The following LRP1B variants were observed in gnomAD, a reference collection of about 807,000 sequenced individuals.
LRP1B encodes LDL receptor related protein 1B.
A neutral mutation model predicts 556.6 loss-of-function variants in LRP1B; 217 were observed. That is an observed-to-expected ratio of 0.39 (90% CI 0.35 to 0.44). LRP1B has a LOEUF of 0.44. LRP1B is among the 20% of genes least tolerant of loss of function. The pLI, the probability that LRP1B is intolerant of heterozygous loss-of-function variation, is 1.00. For missense variants in LRP1B, 5,053 were observed against 5,620.8 expected (o/e 0.90, Z 3.23); for synonymous variants, 2,047 against 1,865.8 (o/e 1.10, Z -2.50).
chr2:141,692,357 C>A (rs1175823158), intron 2 of LRP1B, among the ~76,000 whole-genome samples: 6 of 151,984 alleles, frequency 3.9e-5, no homozygotes, highest in Non-Finnish European at 8.8e-5. Flanking sequence ...CGCTAAACTA[C>A]TGTGAATTCC....
intron 11 of LRP1B, among the ~76,000 whole-genome samples, chr2:141,029,586 C>G (rs1296235236): frequency 6.6e-6 from 1 of 152,118 alleles, no homozygotes; most frequent in Non-Finnish European, 1.5e-5. Context: ...TCAGAAAGTG[C>G]TGATCTCTAG....
intron 27 of LRP1B, among the ~76,000 whole-genome samples, chr2:140,865,895 A>G (rs145353028): frequency 0.013 from 1,993 of 152,192 alleles, 22 homozygotes; most frequent in Middle Eastern, 0.038. Context: ...TCTTTCCTAT[A>G]TATGCATAAA....
chr2:141,104,126 A>T (rs958035620), intron 7 of LRP1B, among the ~76,000 whole-genome samples: 1 of 152,082 alleles, frequency 6.6e-6, no homozygotes, highest in Non-Finnish European at 1.5e-5. Flanking sequence ...CTTAAAAAAT[A>T]ACATAGCATG....
At chr2:140,389,142 T>G (rs1683898519) in intron 66 of LRP1B, among the ~76,000 whole-genome samples, 1 of 144,096 alleles carries the variant, frequency 6.9e-6, no homozygotes, top group Non-Finnish European at 1.5e-5. Context: ...GGAACTTGCT[T>G]TCATTTTAAG....
chr2:141,634,695 A>T (rs1417747416), intron 2 of LRP1B, among the ~76,000 whole-genome samples: 4 of 151,984 alleles, frequency 2.6e-5, no homozygotes, highest in Non-Finnish European at 5.9e-5. Flanking sequence ...AAAGAGGTAT[A>T]TAGCTAATAT....
intron 1 of LRP1B, among the ~76,000 whole-genome samples, chr2:141,814,954 G>C (rs895246805): frequency 2.0e-5 from 3 of 152,150 alleles, no homozygotes; most frequent in Non-Finnish European, 4.4e-5. Context: ...GATACAGGAT[G>C]AGGATGCAAG....
intron 3 of LRP1B, among the ~76,000 whole-genome samples, chr2:141,403,340 A>T (rs58298225): frequency 0.55 from 80,048 of 145,588 alleles, 22,579 homozygotes; most frequent in Non-Finnish European, 0.64. Context: ...CAAAACTATT[A>T]AAAAAAACCC....
rs1180567352 is a variant in LRP1B at position 141,480,426 on chromosome 2, C to T, written c.313G>A (p.Asp105Asn). Reference protein sequence around the residue: ...QLCNGVLDCPDGYDEGVHCQE... With the variant: ...QLCNGVLDCPNGYDEGVHCQE... Reference sequence around the variant, plus strand: ...CAATGTACTCCTTCGTCATACCCATCTGGGCAGTCCAAGACACCATTGCAC... The same window carrying T: ...CAATGTACTCCTTCGTCATACCCATTTGGGCAGTCCAAGACACCATTGCAC... Residue 105 changes from aspartate to asparagine, a missense_variant, in exon 3 of 91, where the codon GAT (aspartate) becomes AAT (asparagine). By Grantham distance (23) the Asp-to-Asn change is conservative. This residue lies in a region of LRP1B where 3,619 missense variants were observed against 3,931.9 expected (regional missense o/e 0.92). Transcript: ENST00000389484. 1.2e-6 allele frequency: 2 copies of T among 1,613,948 alleles called. No homozygotes were observed. The highest frequency in any genetic ancestry group is 2.2e-5 in the South Asian group (2 of 91,084).
At chr2:141,865,210 C>T (rs1014624990) in intron 1 of LRP1B, among the ~76,000 whole-genome samples, 1 of 152,076 alleles carries the variant, frequency 6.6e-6, no homozygotes, top group Non-Finnish European at 1.5e-5. Flanking sequence ...TCCTCCTTCC[C>T]CACTCTACTT....
At chr2:141,357,515 C>A (rs1688670478) in intron 3 of LRP1B, among the ~76,000 whole-genome samples, 1 of 152,114 alleles carries the variant, frequency 6.6e-6, no homozygotes, top group Non-Finnish European at 1.5e-5. Context: ...ACTGAATAAA[C>A]CCTGAAAACG....
intron 84 of LRP1B, among the ~76,000 whole-genome samples, chr2:140,284,346 C>T (rs1683038634): frequency 8.5e-6 from 1 of 118,106 alleles, no homozygotes; most frequent in African/African-American, 3.2e-5. Context: ...AGTAATGACT[C>T]AATTTTCGAA....
At position 140,501,742 on chromosome 2, in the gene LRP1B, C is replaced by T. The variant is rs139867739; in HGVS notation, c.8795G>A (p.Ser2932Asn). The change falls in exon 55 of 91, where the codon AGT becomes AAT. Residue 2932 changes from serine to asparagine, a missense_variant. Ser to Asn is a conservative substitution (Grantham distance 46). Transcript: ENST00000389484. The part of the protein sequence containing the change: ...ERNCHINECL[S>N]KKVSGCSQDC... Reference sequence around the variant, plus strand: ...TTGAGAACATCCACTGACTTTCTTACTCAAACATTCATTTATATGGCAGTT... The same window carrying T: ...TTGAGAACATCCACTGACTTTCTTATTCAAACATTCATTTATATGGCAGTT... 28 of 1,612,668 alleles carry T rather than the reference C, an allele frequency of 1.7e-5. No homozygotes were observed. The highest frequency in any genetic ancestry group is 3.3e-5 in the Admixed American group (2 of 59,896).
chr2:141,965,335 T>A, intron 1 of LRP1B, among the ~76,000 whole-genome samples: 1 of 28,044 alleles, frequency 3.6e-5, no homozygotes. Flanking sequence ...AGCAAAGACT[T>A]GGAACCAACC....
At chr2:141,030,571 T>C (rs1698339660) in intron 11 of LRP1B, among the ~76,000 whole-genome samples, 1 of 152,072 alleles carries the variant, frequency 6.6e-6, no homozygotes, top group Non-Finnish European at 1.5e-5. Flanking sequence ...GATAAAAGTG[T>C]CAATGCTGGG....
Position 141,819,341 on chromosome 2 carries a change from G to C in LRP1B, c.83-8940C>G, listed in dbSNP as rs1008231069. 3.9e-5 allele frequency among the ~76,000 whole-genome samples: 6 copies of C among 152,078 alleles called. No individual in the cohort carries two copies. In the South Asian group the frequency reaches 6.2e-4, roughly 16 times the overall value. On this transcript the variant is annotated intron_variant, in intron 1 of 90. Coordinates refer to ENST00000389484, the MANE Select transcript of LRP1B (RefSeq NM_018557.3). ...AACCGTCTACTCAAAACACCGAAAAGCTTCTATTTTACTTTGCTGTATGAA... is the reference window on the plus strand; with the variant it reads ...AACCGTCTACTCAAAACACCGAAAACCTTCTATTTTACTTTGCTGTATGAA...
At chr2:141,060,536 C>T (rs1000395466) in intron 8 of LRP1B, among the ~76,000 whole-genome samples, 3 of 151,766 alleles carry the variant, frequency 2.0e-5, no homozygotes, top group Non-Finnish European at 4.4e-5. Flanking sequence ...CCATTAGTCT[C>T]GTGCATGTTT....
intron 2 of LRP1B, among the ~76,000 whole-genome samples, chr2:141,661,393 A>G (rs1196326251): frequency 6.6e-6 from 1 of 152,222 alleles, no homozygotes; most frequent in Non-Finnish European, 1.5e-5. Flanking sequence ...GAGCTAAAGG[A>G]GCATGCTCTA....
At chr2:140,308,724 G>A (rs1299333512) in intron 83 of LRP1B, among the ~76,000 whole-genome samples, 2 of 151,914 alleles carry the variant, frequency 1.3e-5, no homozygotes, top group East Asian at 3.9e-4. Context: ...AACATTGAGT[G>A]TAAGGAATAG....
At chr2:141,943,899 T>C (rs1178848460) in intron 1 of LRP1B, among the ~76,000 whole-genome samples, 1 of 151,854 alleles carries the variant, frequency 6.6e-6, no homozygotes, top group African/African-American at 2.4e-5. Flanking sequence ...ATTGGGCAAA[T>C]AGGTAAAAGG....
Sources: gnomAD v4.1 joint callset for allele counts (sites outside exome capture counted in the v4.1 genomes callset) on GRCh38, gnomAD v4.1.1 for gene constraint, gnomAD v4.1.1 regional missense constraint, MANE v1.5 for transcripts, NCBI Gene and HGNC (gene_info 2026-07-23, HGNC 2026-07-21) for gene names.